The following COL27A1 variants were observed in gnomAD, a reference collection of about 807,000 sequenced individuals.
The protein encoded by COL27A1 is collagen alpha-1(XXVII) chain.
COL27A1 carries 106 observed loss-of-function variants against 251.3 expected under a neutral mutation model. The observed-to-expected ratio is 0.42, with a 90% CI of 0.36 to 0.50. COL27A1 has a LOEUF of 0.50. COL27A1 is among the 20% of genes least tolerant of loss of function. The pLI is 0.00. For missense variants in COL27A1, 2,325 were observed against 2,522.8 expected, an observed-to-expected ratio of 0.92 and a Z score of 1.68; for synonymous variants, 1,000 against 986.3, an observed-to-expected ratio of 1.01 and a Z score of -0.26.
chr9:114,227,410 G>C (rs1054984093), intron 14 of COL27A1, among the ~76,000 whole-genome samples: 2 of 149,274 alleles, frequency 1.3e-5, no homozygotes, highest in Non-Finnish European at 3.0e-5. Context: ...CCTGGGTTCT[G>C]GTCCTGCCTC....
At position 114,300,081 on chromosome 9, in the gene COL27A1, C is replaced by T. The variant is rs767879458; in HGVS notation, c.4596C>T (p.Gly1532=). Residue 1532 remains glycine, a synonymous_variant, in exon 50 of 61, where the codon GGC becomes GGT. Transcript: ENST00000356083. ...TGTTCTTCCTGCAGGGCGACTCTGG[C>T]GAGATGGGCTTCCCAGGAATGGCAG... The part of the protein sequence containing the change: ...PGSKGQPGDS[G]EMGFPGMAGL... 5.6e-6 allele frequency: 9 copies of T among 1,614,126 alleles called. No homozygotes were observed. Among genetic ancestry groups the T allele is most frequent in the South Asian group, 4.4e-5 (4 of 91,076 alleles).
At chr9:114,237,584 A>G in intron 18 of COL27A1, 78 bp from the exon 19 acceptor site, 1 of 1,221,206 alleles carries the variant, frequency 8.2e-7, no homozygotes, top group Non-Finnish European at 1.2e-6. Flanking sequence ...ACCATCCACA[A>G]CCAGCGGGGG....
chr9:114,189,642 T>C (rs1828614520), intron 5 of COL27A1, among the ~76,000 whole-genome samples: 1 of 152,214 alleles, frequency 6.6e-6, no homozygotes. Context: ...TCCTATTTGG[T>C]TGAATTTTTA....
intron 18 of COL27A1, among the ~76,000 whole-genome samples, chr9:114,237,356 T>TC (rs1398125932): frequency 6.6e-6 from 1 of 152,234 alleles, no homozygotes; most frequent in Non-Finnish European, 1.5e-5. Flanking sequence ...TCACTGTGCA[T>TC]CCGACCCTTT....
chr9:114,247,442 C>G (rs1278556321), intron 24 of COL27A1, among the ~76,000 whole-genome samples: 1 of 152,208 alleles, frequency 6.6e-6, no homozygotes, highest in Non-Finnish European at 1.5e-5. Context: ...TTGATATACC[C>G]TCTGAGTTCC....
In COL27A1 at chr9:114,206,298, TA is replaced by T; in HGVS notation, c.2268+4del. On this transcript the variant is annotated splice_donor_region_variant and intron_variant, in intron 10 of 60. Transcript: ENST00000356083. Reference sequence around the variant, plus strand: ...GATCCCGGCCCCAAAGGCAGCAGGGTAAGTGGTTCCTGGCCAGTGCCACATG... The same window carrying T: ...GATCCCGGCCCCAAAGGCAGCAGGGTAGTGGTTCCTGGCCAGTGCCACATG... 1 of 1,614,032 alleles carries T rather than the reference TA, an allele frequency of 6.2e-7. No homozygotes were observed. Among genetic ancestry groups the T allele is most frequent in the Non-Finnish European group, 8.5e-7 (1 of 1,179,960 alleles).
chr9:114,310,830 G>T lies in COL27A1; in HGVS notation c.*135G>T, dbSNP rs564615493. The T allele has an allele frequency of 2.4e-6, 2 of 827,422 alleles. No homozygotes were observed. Among genetic ancestry groups the T allele is most frequent in the East Asian group, 2.7e-5 (1 of 37,610 alleles). 51.3% of individuals were successfully genotyped at this position (827,422 alleles called of 1,614,324 possible). A position where few individuals can be genotyped will look rare whatever the true frequency, so the allele number is the denominator to read the frequency against. On this transcript the variant is annotated 3_prime_UTR_variant, in exon 61 of 61. Coordinates refer to ENST00000356083, the MANE Select transcript of COL27A1 (RefSeq NM_032888.4). Reference sequence around the variant, plus strand: ...GGTCCTTGGGCAGACCCCAGCTGTTGTCTGCCCAGTAGAAGTGGGTGGGGG... The same window carrying T: ...GGTCCTTGGGCAGACCCCAGCTGTTTTCTGCCCAGTAGAAGTGGGTGGGGG...
chr9:114,185,191 A>G (rs1828248116), intron 5 of COL27A1, among the ~76,000 whole-genome samples: 1 of 152,188 alleles, frequency 6.6e-6, no homozygotes, highest in Non-Finnish European at 1.5e-5. Flanking sequence ...CTAGCAAGTG[A>G]GTTCTCCTGC....
chr9:114,258,575 G>A lies in COL27A1; in HGVS notation c.3176G>A (p.Arg1059Lys). Residue 1059 changes from arginine (R) to lysine (K), a missense_variant, in exon 28 of 61, where the codon AGG becomes AAG. Physicochemically the swap from Arg to Lys is conservative, Grantham distance 26. Transcript: ENST00000356083. The part of the protein sequence containing the change: ...PPGSRGPPGM[R>K]GAKGRRGPRG... ...GGATCTCGAGGCCCACCAGGCATGA[G>A]GGGAGCAAAGGGACGTCGGGTAAGT... The A allele has an allele frequency of 6.2e-7, 1 of 1,614,094 alleles. No homozygotes were observed.
chr9:114,256,651 C>A (rs756746884), intron 27 of COL27A1, among the ~76,000 whole-genome samples: 3 of 152,090 alleles, frequency 2.0e-5, no homozygotes, highest in Non-Finnish European at 2.9e-5. Context: ...AGGCAGCTAC[C>A]TTTTCCTGAG....
intron 14 of COL27A1, among the ~76,000 whole-genome samples, chr9:114,224,996 G>C (rs1410972557): frequency 6.6e-6 from 1 of 152,118 alleles, no homozygotes; most frequent in Non-Finnish European, 1.5e-5. Flanking sequence ...AAGGTTGCCA[G>C]ATAAAATATG....
intron 11 of COL27A1, among the ~76,000 whole-genome samples, 197 bp downstream of exon 11, chr9:114,209,925 G>T (rs1164464186): frequency 1.3e-5 from 2 of 152,226 alleles, no homozygotes; most frequent in Non-Finnish European, 2.9e-5. Context: ...CGAAGTCAGG[G>T]ATTTACGGTA....
rs548503098 is a variant in COL27A1 at position 114,230,431 on chromosome 9, C to T, written c.2467-648C>T. 1.0e-3 allele frequency among the ~76,000 whole-genome samples: 155 copies of T among 152,250 alleles called. No homozygotes were observed. The Middle Eastern group carries it at 0.014, about 13-fold the overall frequency. On this transcript the variant is annotated intron_variant, in intron 14 of 60. Coordinates refer to ENST00000356083, the MANE Select transcript of COL27A1 (RefSeq NM_032888.4). ...AGCTGTCATCTGCAAACTGCACACC[C>T]GCAAAGAGAACTTGGCTTTCTAGGT...
Position 114,206,269 on chromosome 9 carries a change from A to G in COL27A1, c.2241A>G (p.Val747=). ...YPGRQGLPGP[V]GDPGPKGSRG... Reference sequence around the variant, plus strand: ...TGTTTCAGGGGTTACCTGGACCGGTAGGAGATCCCGGCCCCAAAGGCAGCA... The same window carrying G: ...TGTTTCAGGGGTTACCTGGACCGGTGGGAGATCCCGGCCCCAAAGGCAGCA... The change falls in exon 10 of 61, where the codon GTA becomes GTG. Residue 747 remains valine, a synonymous_variant. Transcript: ENST00000356083. 6.2e-7 allele frequency: 1 copy of G among 1,614,092 alleles called. No individual in the cohort carries two copies. Among genetic ancestry groups the G allele is most frequent in the Non-Finnish European group, 8.5e-7 (1 of 1,179,946 alleles).
chr9:114,162,777 C>G lies in COL27A1; in HGVS notation c.125C>G (p.Ala42Gly), dbSNP rs775035408. The stretch of plus-strand genomic sequence containing the variant: ...TGTCACCTGGCCTCCACCCAAGGAG[C>G]TCCTGAAGGTAATTCTCTCTTCTCT... ...FACHLASTQG[A>G]PEDVDILQRL... The change falls in exon 2 of 61, where the codon GCT becomes GGT. Residue 42 changes from alanine (A) to glycine (G), a missense_variant. Coordinates refer to ENST00000356083, the MANE Select transcript of COL27A1 (RefSeq NM_032888.4). 2 of 1,611,566 alleles carry G rather than the reference C, an allele frequency of 1.2e-6. No homozygotes were observed. The highest frequency in any genetic ancestry group is 1.7e-6 in the Non-Finnish European group (2 of 1,178,170).
intron 7 of COL27A1, among the ~76,000 whole-genome samples, chr9:114,202,117 G>T (rs1352205421): frequency 6.6e-6 from 1 of 152,238 alleles, no homozygotes; most frequent in Admixed American, 6.5e-5. Context: ...CACTGTGCAT[G>T]CCCGTGATGA....
intron 37 of COL27A1, among the ~76,000 whole-genome samples, chr9:114,276,001 TC>T (rs1446070829): frequency 6.6e-6 from 1 of 152,174 alleles, no homozygotes. Flanking sequence ...GCAAACCTGG[TC>T]CCTGCCGACC....
At chr9:114,261,731 A>T (rs2135576375) in intron 28 of COL27A1, among the ~76,000 whole-genome samples, 1 of 151,786 alleles carries the variant, frequency 6.6e-6, no homozygotes, top group Admixed American at 6.6e-5. Flanking sequence ...AGCTCACTCC[A>T]TTTCTGAAAA....
At chr9:114,175,227 G>C (rs1406018244) in intron 3 of COL27A1, among the ~76,000 whole-genome samples, 1 of 152,200 alleles carries the variant, frequency 6.6e-6, no homozygotes, top group Non-Finnish European at 1.5e-5. Flanking sequence ...CCCCAGGCAG[G>C]CCTGAGCCCC....
Sources: allele counts gnomAD v4.1 joint callset (sites outside exome capture counted in the v4.1 genomes callset), GRCh38; gene constraint gnomAD v4.1.1; transcripts MANE v1.5; gene names NCBI Gene and HGNC (gene_info 2026-07-23, HGNC 2026-07-21).